GLIS3: variants seen among roughly 807,000 people sequenced by gnomAD.
GLIS3 encodes GLIS family zinc finger 3.
Under a neutral mutation model 78.6 loss-of-function variants are expected in GLIS3, and 53 were observed. The ratio of observed to expected loss-of-function variants is 0.67; its 90% CI spans 0.54 to 0.85. The LOEUF (loss-of-function observed/expected upper bound fraction) is 0.85. Ranked by LOEUF, GLIS3 falls within the 40% of genes least tolerant of loss-of-function variation. GLIS3 has a pLI of 0.00. For synonymous variants in GLIS3, 684 were observed against 509.9 expected (o/e 1.34, Z -4.60); for missense variants, 1,703 against 1,231.1 (o/e 1.38, Z -5.74).
At chr9:4,321,865 C>A (rs1158899486) in intron 2 of GLIS3, among the ~76,000 whole-genome samples, 1 of 152,086 alleles carries the variant, frequency 6.6e-6, no homozygotes, top group African/African-American at 2.4e-5. Context: ...TACACTACCA[C>A]ACCCGATAAT....
At chr9:3,830,836 TA>T (rs1270977099) in intron 9 of GLIS3, among the ~76,000 whole-genome samples, 3 of 149,964 alleles carry the variant, frequency 2.0e-5, no homozygotes, top group Non-Finnish European at 4.4e-5. Flanking sequence ...TCTCTTTAAG[TA>T]AAACCAGGGT....
chr9:4,296,772 A>C (rs147373075), intron 1 of GLIS3, among the ~76,000 whole-genome samples: 228 of 152,242 alleles, frequency 1.5e-3, no homozygotes, highest in Non-Finnish European at 2.3e-3. Context: ...ATAGCGAAAA[A>C]AAAATGTCCC....
chr9:4,325,912 C>G (rs10974460), intron 2 of GLIS3, among the ~76,000 whole-genome samples: 19,967 of 152,030 alleles, frequency 0.13, 3,061 homozygotes, highest in African/African-American at 0.37. Flanking sequence ...GGACATGGAT[C>G]GAGCTGGAAG....
At chr9:4,367,718 C>G in the GLIS3 span, among the ~76,000 whole-genome samples, 4 of 146,072 alleles carry the variant, frequency 2.7e-5, no homozygotes, top group Non-Finnish European at 6.0e-5. Flanking sequence ...CCACACCTAA[C>G]ACAAGTACTA....
the GLIS3 span, among the ~76,000 whole-genome samples, chr9:4,397,028 T>TTC: frequency 1.3e-4 from 16 of 127,000 alleles, no homozygotes; most frequent in Admixed American, 2.4e-4. Context: ...TTTTTTCTTT[T>TTC]TTTTTTTTTT....
chr9:4,158,125 T>A (rs1382604703), intron 2 of GLIS3, among the ~76,000 whole-genome samples: 1 of 152,186 alleles, frequency 6.6e-6, no homozygotes, highest in Non-Finnish European at 1.5e-5. Flanking sequence ...GAAAAAATCT[T>A]TTTTTTCCTT....
intron 2 of GLIS3, among the ~76,000 whole-genome samples, chr9:4,213,505 C>A (rs977013917): frequency 6.6e-6 from 1 of 152,150 alleles, no homozygotes; most frequent in Admixed American, 6.6e-5. Context: ...ACTATGGTTG[C>A]CACTAACTAC....
chr9:4,246,243 C>T (rs1823790602), intron 2 of GLIS3, among the ~76,000 whole-genome samples: 2 of 152,112 alleles, frequency 1.3e-5, no homozygotes, highest in African/African-American at 4.8e-5. Context: ...TCAAAAGAAA[C>T]AAATTAAACA....
At chr9:4,126,238 G>A (rs957435582) in intron 2 of GLIS3, among the ~76,000 whole-genome samples, 5 of 152,154 alleles carry the variant, frequency 3.3e-5, no homozygotes, top group African/African-American at 1.2e-4. Context: ...TACCTAAAGG[G>A]TTAAGGTGGT....
rs763002832 is a variant in GLIS3 at position 4,118,692 on chromosome 9, G to A, written c.786C>T (p.Ser262=). 2.5e-6 allele frequency: 4 copies of A among 1,613,986 alleles called. No individual in the cohort carries two copies. Among genetic ancestry groups the A allele is most frequent in the Non-Finnish European group, 2.5e-6 (3 of 1,180,010 alleles). ...ATGGTAATGAGTTAGAGACACTATT[G>A]CTGGACATGGATGTCCCGGGAGGAA... ...LSLPPGTSMS[S]NSVSNSLPSY... is the part of the protein sequence containing the mutation. Residue 262 remains serine (S), a synonymous_variant, in exon 4 of 11, where the codon AGC becomes AGT. Transcript: ENST00000381971. The surrounding 1 kb of genome is among the most constrained non-coding windows in gnomAD (Gnocchi z 4.7).
At chr9:4,233,522 A>G (rs1394298013) in intron 2 of GLIS3, among the ~76,000 whole-genome samples, 1 of 152,216 alleles carries the variant, frequency 6.6e-6, no homozygotes, top group African/African-American at 2.4e-5. Flanking sequence ...GTCTCAACAG[A>G]GGACTTAAAA....
chr9:4,268,505 C>T lies in GLIS3; in HGVS notation c.388+17533G>A, dbSNP rs976813277. 2.0e-5 allele frequency among the ~76,000 whole-genome samples: 3 copies of T among 152,070 alleles called. No individual in the cohort carries two copies. In the East Asian group the frequency reaches 5.8e-4, roughly 29 times the overall value. ...TATACCAGCTTCATTTGATATAGAG[C>T]GTTCTGAAAGGAATTCAATAATATG... is the stretch of plus-strand genomic sequence containing the variant. On this transcript the variant is annotated intron_variant, in intron 2 of 10. Coordinates refer to ENST00000381971, the MANE Select transcript of GLIS3 (RefSeq NM_001042413.2).
chr9:4,314,968 A>G (rs894180766), intron 2 of GLIS3, among the ~76,000 whole-genome samples: 11 of 152,212 alleles, frequency 7.2e-5, no homozygotes, highest in Admixed American at 7.2e-4. Flanking sequence ...GAAGCCCCGA[A>G]AGCCAGTTTG....
At chr9:4,379,381 TC>T in the GLIS3 span, among the ~76,000 whole-genome samples, 2 of 152,256 alleles carry the variant, frequency 1.3e-5, no homozygotes, top group African/African-American at 4.8e-5. Flanking sequence ...ACTATATTAA[TC>T]CCAAATTCAA....
chr9:3,979,426 T>C (rs940021194), intron 4 of GLIS3, among the ~76,000 whole-genome samples: 14 of 152,216 alleles, frequency 9.2e-5, no homozygotes, highest in Non-Finnish European at 1.8e-4. Flanking sequence ...AGCATCTAAA[T>C]AGCACACGCT....
chr9:3,945,574 C>T (rs1355555610), intron 4 of GLIS3, among the ~76,000 whole-genome samples: 3 of 152,278 alleles, frequency 2.0e-5, no homozygotes, highest in Admixed American at 6.5e-5. Context: ...ACCCTGCTTG[C>T]TCCAATACCT....
the GLIS3 span, among the ~76,000 whole-genome samples, chr9:4,411,676 C>G: frequency 6.6e-6 from 1 of 151,936 alleles, no homozygotes; most frequent in Non-Finnish European, 1.5e-5. Flanking sequence ...GGTAGACAAC[C>G]TTAACTTCTC....
At chr9:4,231,090 T>C (rs1398046730) in intron 2 of GLIS3, among the ~76,000 whole-genome samples, 1 of 95,374 alleles carries the variant, frequency 1.0e-5, no homozygotes, top group Non-Finnish European at 2.1e-5. Flanking sequence ...AAAAATAAAA[T>C]AAGATAAATA....
chr9:4,160,371 C>T (rs1028811479), intron 2 of GLIS3, among the ~76,000 whole-genome samples: 2 of 152,200 alleles, frequency 1.3e-5, no homozygotes, highest in African/African-American at 4.8e-5. Flanking sequence ...TAGGAACTCG[C>T]CGGGTTTATG....
Sources: allele counts gnomAD v4.1 joint callset (sites outside exome capture counted in the v4.1 genomes callset), GRCh38; gene constraint gnomAD v4.1.1; non-coding constraint Gnocchi (gnomAD v3.1); transcripts MANE v1.5; gene names NCBI Gene and HGNC (gene_info 2026-07-23, HGNC 2026-07-21).